Variants in FAT3 observed in about 807,000 individuals in gnomAD.
FAT3 encodes the protein FAT atypical cadherin 3.
FAT3 carries 95 observed loss-of-function variants against 310.2 expected under a neutral mutation model. That is an observed-to-expected ratio of 0.31 (90% confidence interval 0.26 to 0.36). The LOEUF (loss-of-function observed/expected upper bound fraction) is 0.36. Among genes scored for constraint, FAT3 ranks in the 10% least tolerant of loss-of-function variants. FAT3 has a pLI of 1.00. For missense variants in FAT3, 5,408 were observed against 5,715.6 expected (o/e 0.95, Z 1.74); for synonymous variants, 2,314 against 2,192.9 (o/e 1.06, Z -1.54).
Position 92,883,435 on chromosome 11 carries a change from G to C in FAT3, c.12937+42G>C. On this transcript the variant is annotated intron_variant, in intron 24 of 27. Transcript: ENST00000525166. The surrounding 1 kb of genome is among the most constrained non-coding windows in gnomAD (Gnocchi z 4.2). ...AATGCTCACCCCTCGGTGCTTACAG[G>C]GAACCTGCAGGGGCGCTGTGCGAGG... is the stretch of plus-strand genomic sequence containing the variant. 1 of 1,560,670 alleles carries C rather than the reference G, an allele frequency of 6.4e-7. No homozygotes were observed. Among genetic ancestry groups the C allele is most frequent in the Non-Finnish European group, 8.7e-7 (1 of 1,151,650 alleles).
intron 4 of FAT3, among the ~76,000 whole-genome samples, chr11:92,713,805 T>C (rs769659523): frequency 6.6e-6 from 1 of 152,226 alleles, no homozygotes; most frequent in Non-Finnish European, 1.5e-5. Context: ...TATATCATAT[T>C]TTACAACTGA....
At chr11:92,701,824 C>T (rs1324573358) in intron 4 of FAT3, among the ~76,000 whole-genome samples, 1 of 152,208 alleles carries the variant, frequency 6.6e-6, no homozygotes, top group Non-Finnish European at 1.5e-5. Context: ...GAAATAAATG[C>T]ACTAACTCTG....
chr11:92,318,313 A>G (rs1446042243), intron 1 of FAT3, among the ~76,000 whole-genome samples: 1 of 152,128 alleles, frequency 6.6e-6, no homozygotes, highest in Admixed American at 6.5e-5. Context: ...AGATAGGACC[A>G]TTTGTGCCTC....
intron 3 of FAT3, among the ~76,000 whole-genome samples, chr11:92,588,873 T>G (rs1389686808): frequency 1.3e-5 from 2 of 151,628 alleles, no homozygotes; most frequent in African/African-American, 2.4e-5. Flanking sequence ...AAGATTTCTC[T>G]TAGGGAATTA....
intron 19 of FAT3, 31 bp downstream of exon 19, chr11:92,844,763 C>T (rs1284321679): frequency 2.0e-6 from 3 of 1,474,884 alleles, no homozygotes; most frequent in African/African-American, 2.8e-5. Context: ...TCCCTCTCAA[C>T]TCCTGAGATT....
intron 4 of FAT3, among the ~76,000 whole-genome samples, chr11:92,726,854 ACAATGGAAAGGAAATAAG>A (rs923505914): frequency 3.3e-5 from 5 of 152,048 alleles, no homozygotes; most frequent in South Asian, 4.2e-4. Flanking sequence ...ACTGTCCAAA[ACAATGGAAAGGAAATAAG>A]CAATGGAAAG....
In FAT3 at chr11:92,841,827, C is replaced by T. The variant is rs558974143; in HGVS notation, c.10566+1068C>T. 2.6e-5 allele frequency among the ~76,000 whole-genome samples: 4 copies of T among 152,328 alleles called. No homozygotes were observed. The East Asian group carries it at 7.7e-4, about 29-fold the overall frequency. On this transcript the variant is annotated intron_variant, in intron 18 of 27. Transcript: ENST00000525166. ...TCACATTCCCATTGCCACTGCCTCACTGTATTCTGCACAGCCCCTTCATCA... is the reference window on the plus strand; with the variant it reads ...TCACATTCCCATTGCCACTGCCTCATTGTATTCTGCACAGCCCCTTCATCA...
chr11:92,761,559 G>A (rs909585233), intron 4 of FAT3, among the ~76,000 whole-genome samples: 10 of 152,078 alleles, frequency 6.6e-5, no homozygotes, highest in Admixed American at 1.3e-4. Flanking sequence ...AGAGAGATTG[G>A]GATCTCTAGT....
At chr11:92,767,659 T>G (rs1456684945) in intron 6 of FAT3, among the ~76,000 whole-genome samples, 2 of 152,162 alleles carry the variant, frequency 1.3e-5, no homozygotes, top group Non-Finnish European at 1.5e-5. Context: ...TAAGCATACC[T>G]AGCAGTACTG....
intron 3 of FAT3, among the ~76,000 whole-genome samples, chr11:92,562,486 C>T (rs1448999435): frequency 6.6e-6 from 1 of 152,112 alleles, no homozygotes; most frequent in Non-Finnish European, 1.5e-5. Context: ...TACTATCTCA[C>T]AATGTGTATA....
At position 92,890,967 on chromosome 11, in the gene FAT3, A is replaced by G. The variant is rs750723444; in HGVS notation, c.13624A>G (p.Arg4542Gly). Residue 4542 changes from arginine (R) to glycine (G), a missense_variant, in exon 28 of 28, where the codon AGA becomes GGA. Around this residue, in one of 5 missense-constraint regions of FAT3, gnomAD observed 649 missense variants for 666.2 expected, o/e 0.97. Transcript: ENST00000525166. ...DSVSLSLHNS[R>G]GTSSSDVSAN... Reference sequence around the variant, plus strand: ...CGTGTCTCTGTCCTTGCACAATTCCAGAGGCACCTCATCCTCGGATGTGTC... The same window carrying G: ...CGTGTCTCTGTCCTTGCACAATTCCGGAGGCACCTCATCCTCGGATGTGTC... 8.1e-6 allele frequency: 13 copies of G among 1,613,966 alleles called. No individual in the cohort carries two copies. In the South Asian group the frequency reaches 1.3e-4, roughly 16 times the overall value.
intron 3 of FAT3, among the ~76,000 whole-genome samples, chr11:92,527,122 T>A (rs1442386542): frequency 6.6e-6 from 1 of 152,136 alleles, no homozygotes; most frequent in Non-Finnish European, 1.5e-5. Context: ...AGGGAGGGCT[T>A]CATGGAGGAA....
chr11:92,249,256 C>T (rs558120792), intron 1 of FAT3, among the ~76,000 whole-genome samples: 1 of 152,040 alleles, frequency 6.6e-6, no homozygotes, highest in African/African-American at 2.4e-5. Context: ...GAGATGGCAA[C>T]GATGATCAGA....
chr11:92,338,232 T>A (rs1948144182), intron 1 of FAT3, among the ~76,000 whole-genome samples: 1 of 152,200 alleles, frequency 6.6e-6, no homozygotes, highest in Non-Finnish European at 1.5e-5. Flanking sequence ...AACTATTTAT[T>A]TGTATTACAT....
At chr11:92,299,715 AT>A (rs1315235985) in intron 1 of FAT3, among the ~76,000 whole-genome samples, 1 of 152,116 alleles carries the variant, frequency 6.6e-6, no homozygotes, top group East Asian at 1.9e-4. Flanking sequence ...ACTGTAATTA[AT>A]ATATGTCTCT....
At chr11:92,695,499 T>C (rs1943911729) in intron 3 of FAT3, among the ~76,000 whole-genome samples, 1 of 152,002 alleles carries the variant, frequency 6.6e-6, no homozygotes, top group African/African-American at 2.4e-5. Context: ...CTGCAAACTT[T>C]ATGAGTACAC....
At chr11:92,546,193 G>A (rs539386092) in intron 3 of FAT3, among the ~76,000 whole-genome samples, 2 of 152,282 alleles carry the variant, frequency 1.3e-5, no homozygotes, top group African/African-American at 4.8e-5. Flanking sequence ...AAACTGTAGG[G>A]GTGGTGATAA....
intron 3 of FAT3, among the ~76,000 whole-genome samples, chr11:92,578,470 G>A (rs1210986138): frequency 2.0e-5 from 3 of 152,056 alleles, no homozygotes; most frequent in African/African-American, 7.2e-5. Flanking sequence ...GTAATCTACT[G>A]GAAGTCACAC....
At position 92,614,437 on chromosome 11, in the gene FAT3, CATCCTACTATGTTCAATGTGTTCTT is replaced by C. The variant is rs1159508528; in HGVS notation, c.3608-82944_3608-82920del. Among the ~76,000 whole-genome samples the C allele has an allele frequency of 2.0e-5, 3 of 152,110 alleles. No homozygotes were observed. In the East Asian group the frequency reaches 5.8e-4, roughly 29 times the overall value. ...ATTATCTGTTTATTTTGATTCTAGC[CATCCTACTATGTTCAATGTGTTCTT>C]ATTTTGGTTTTGATTTTGATTTCTC... On this transcript the variant is annotated intron_variant, in intron 3 of 27. Transcript: ENST00000525166.
Sources: allele counts gnomAD v4.1 joint callset (sites outside exome capture counted in the v4.1 genomes callset), GRCh38; gene constraint gnomAD v4.1.1; regional missense constraint gnomAD v4.1.1; non-coding constraint Gnocchi (gnomAD v3.1); transcripts MANE v1.5; gene names NCBI Gene and HGNC (gene_info 2026-07-23, HGNC 2026-07-21).